The following PKD2 variants were observed in gnomAD, a reference collection of about 807,000 sequenced individuals.
The protein encoded by PKD2 is polycystin-2.
In PKD2, 48 loss-of-function variants were observed where a neutral mutation model predicts 105.9. The ratio of observed to expected loss-of-function variants is 0.45; its 90% CI spans 0.36 to 0.58. PKD2 has a LOEUF of 0.58. Among genes scored for constraint, PKD2 ranks in the 20% least tolerant of loss-of-function variants. The pLI is 0.00. For missense variants in PKD2, 1,078 were observed against 1,255.3 expected (o/e 0.86, Z 2.13); for synonymous variants, 464 against 481.1 (o/e 0.96, Z 0.46).
intron 1 of PKD2, among the ~76,000 whole-genome samples, chr4:88,010,090 G>T (rs1385501673): frequency 6.6e-6 from 1 of 151,364 alleles, no homozygotes; most frequent in East Asian, 1.9e-4. Context: ...CTCAGGAATC[G>T]GGAATTTTTT....
At position 88,008,429 on chromosome 4, in the gene PKD2, A is replaced by G. The variant is rs1726272094; in HGVS notation, c.595+101A>G. 4 of 1,395,378 alleles carry G rather than the reference A, an allele frequency of 2.9e-6. No individual in the cohort carries two copies. In the Admixed American group the frequency reaches 1.0e-4, roughly 36 times the overall value. 86.4% of individuals were successfully genotyped at this position (1,395,378 alleles called of 1,614,324 possible). On this transcript the variant is annotated intron_variant, in intron 1 of 14. Transcript: ENST00000237596. Reference sequence around the variant, plus strand: ...GGCAGCTCCCCGGGCTCCATCTCGCATCCCCTCTGCGTTCCGCCTCCCTTG... The same window carrying G: ...GGCAGCTCCCCGGGCTCCATCTCGCGTCCCCTCTGCGTTCCGCCTCCCTTG...
chr4:88,073,878 AC>A (rs1473939674), intron 13 of PKD2, among the ~76,000 whole-genome samples: 1 of 152,154 alleles, frequency 6.6e-6, no homozygotes, highest in African/African-American at 2.4e-5. Context: ...AGTCTACAGA[AC>A]CCTCTTGCCA....
chr4:88,010,402 G>T (rs945299324), intron 1 of PKD2, among the ~76,000 whole-genome samples: 3 of 152,196 alleles, frequency 2.0e-5, no homozygotes, highest in African/African-American at 7.2e-5. Context: ...CACTGTGCTA[G>T]CTGCTATGAA....
chr4:88,061,895 T>C lies in PKD2; in HGVS notation c.2020-11T>C, dbSNP rs1346337223. 2 of 1,360,224 alleles carry C rather than the reference T, an allele frequency of 1.5e-6. No homozygotes were observed. Among genetic ancestry groups the C allele is most frequent in the Admixed American group, 3.4e-5 (2 of 59,660 alleles). The allele number at this position is 1,360,224 out of a possible 1,614,324, so 84.3% of individuals were successfully genotyped here. A position where few individuals can be genotyped will look rare whatever the true frequency, so the allele number is the denominator to read the frequency against. ...TCCTTTAATTTTTGCCCTCCTTTCATTTACAAACAGAATATGTTTTTGGCT... is the reference window on the plus strand; with the variant it reads ...TCCTTTAATTTTTGCCCTCCTTTCACTTACAAACAGAATATGTTTTTGGCT... On this transcript the variant is annotated splice_polypyrimidine_tract_variant and intron_variant, in intron 9 of 14. Coordinates refer to ENST00000237596, the MANE Select transcript of PKD2 (RefSeq NM_000297.4).
chr4:88,048,136 A>C (rs182330574), intron 6 of PKD2, among the ~76,000 whole-genome samples: 1 of 152,244 alleles, frequency 6.6e-6, no homozygotes, highest in Non-Finnish European at 1.5e-5. Flanking sequence ...TTTGCTTGGC[A>C]TAGGTGTACC....
rs1721255059 is a variant in PKD2 at position 88,076,882 on chromosome 4, TA to T, written c.*1189del. 3 of 152,298 alleles carry T rather than the reference TA, an allele frequency of 2.0e-5. No individual in the cohort carries two copies. The highest frequency in any genetic ancestry group is 7.2e-5 in the African/African-American group (3 of 41,574). 9.4% of individuals were successfully genotyped at this position (152,298 alleles called of 1,614,324 possible). ...TATTCTTGATCCTGTGTTTCAAAACTAGAATTTGTAATGCAAATGGAGCTCA... is the reference window on the plus strand; with the variant it reads ...TATTCTTGATCCTGTGTTTCAAAACTGAATTTGTAATGCAAATGGAGCTCA... On this transcript the variant is annotated 3_prime_UTR_variant, in exon 15 of 15. Coordinates refer to ENST00000237596, the MANE Select transcript of PKD2 (RefSeq NM_000297.4).
At chr4:88,018,204 A>G (rs906599363) in intron 1 of PKD2, among the ~76,000 whole-genome samples, 7 of 152,222 alleles carry the variant, frequency 4.6e-5, no homozygotes, top group Non-Finnish European at 8.8e-5. Context: ...TGCGTAACAC[A>G]GTGTTTTTGA....
At chr4:88,043,521 G>A in intron 5 of PKD2, 64 bp downstream of exon 5, 2 of 1,237,542 alleles carry the variant, frequency 1.6e-6, no homozygotes, top group Non-Finnish European at 1.2e-6. Context: ...CTATTCTGGG[G>A]TTAGCCAGAA....
chr4:88,068,667 T>C (rs1218525948), intron 13 of PKD2, among the ~76,000 whole-genome samples: 1 of 152,252 alleles, frequency 6.6e-6, no homozygotes, highest in Non-Finnish European at 1.5e-5. Context: ...TGGCCTAACA[T>C]ATGGTTCGTC....
In PKD2 at chr4:88,060,252, A is replaced by G. The variant is rs1015643094; in HGVS notation, c.2020-1654A>G. Among the ~76,000 whole-genome samples, 7 of 152,276 alleles carry G rather than the reference A, an allele frequency of 4.6e-5. No individual in the cohort carries two copies. In the East Asian group the frequency reaches 7.7e-4, roughly 17 times the overall value. ...GGTAGAAGGTGTTACTTGGACTGCA[A>G]TTATCTGCACTTGGAATTGAGCATT... is the stretch of plus-strand genomic sequence containing the variant. On this transcript the variant is annotated intron_variant, in intron 9 of 14. Coordinates refer to ENST00000237596, the MANE Select transcript of PKD2 (RefSeq NM_000297.4).
In PKD2 at chr4:88,058,118, A is replaced by T; in HGVS notation, c.2019+15A>T. 2.1e-6 allele frequency: 3 copies of T among 1,433,018 alleles called. No homozygotes were observed. Among genetic ancestry groups the T allele is most frequent in the Non-Finnish European group, 3.0e-6 (3 of 1,016,086 alleles). The allele number at this position is 1,433,018 out of a possible 1,614,324, so 88.8% of individuals were successfully genotyped here. A position where few individuals can be genotyped will look rare whatever the true frequency, so the allele number is the denominator to read the frequency against. On this transcript the variant is annotated intron_variant, in intron 9 of 14. Transcript: ENST00000237596. ...TCATTCTTTTGGTATGTACATTTTT[A>T]TTTATAGTGAGGTTCAATTTAAACT...
At chr4:88,020,241 T>C (rs1726701637) in intron 2 of PKD2, among the ~76,000 whole-genome samples, 1 of 152,222 alleles carries the variant, frequency 6.6e-6, no homozygotes, top group Admixed American at 6.5e-5. Context: ...TTTCCAAATT[T>C]AACTTTCAGG....
At chr4:88,011,891 AAT>A (rs1430142882) in intron 1 of PKD2, among the ~76,000 whole-genome samples, 5 of 3,914 alleles carry the variant, frequency 1.3e-3, no homozygotes, top group Admixed American at 9.5e-3. Flanking sequence ...ACAGGTTTTC[AAT>A]GGGGGGGGGG....
At chr4:88,055,181 G>A (rs1225039605) in intron 7 of PKD2, among the ~76,000 whole-genome samples, 2 of 152,232 alleles carry the variant, frequency 1.3e-5, no homozygotes, top group African/African-American at 4.8e-5. Flanking sequence ...GCTGGCTGCA[G>A]GCCCCAGCTG....
chr4:88,029,512 C>T (rs1168973074), intron 2 of PKD2, among the ~76,000 whole-genome samples: 1 of 152,094 alleles, frequency 6.6e-6, no homozygotes, highest in Non-Finnish European at 1.5e-5. Flanking sequence ...CACCTGAACA[C>T]TTGGGTGTCA....
Position 88,062,688 on chromosome 4 carries a change from C to A in PKD2, c.2118+684C>A, listed in dbSNP as rs182475041. The stretch of plus-strand genomic sequence containing the variant: ...ACATTTAAAATACACAGTTTGTTTC[C>A]CAACATCATTTTGCTAAGTCATAGT... On this transcript the variant is annotated intron_variant, in intron 10 of 14. Coordinates refer to ENST00000237596, the MANE Select transcript of PKD2 (RefSeq NM_000297.4). Among the ~76,000 whole-genome samples, 190 of 152,136 alleles carry A rather than the reference C, an allele frequency of 1.2e-3. 1 individual carries two copies. The highest frequency in any genetic ancestry group is 4.3e-3 in the African/African-American group (177 of 41,498).
chr4:88,008,812 A>G (rs1726292102), intron 1 of PKD2, among the ~76,000 whole-genome samples: 1 of 152,182 alleles, frequency 6.6e-6, no homozygotes, highest in Non-Finnish European at 1.5e-5. Flanking sequence ...TACAGTGCAT[A>G]TAATGTCAAG....
chr4:88,009,321 GTTC>G (rs926767965), intron 1 of PKD2, among the ~76,000 whole-genome samples: 8 of 152,112 alleles, frequency 5.3e-5, no homozygotes, highest in Non-Finnish European at 1.0e-4. Context: ...AGTTTTTCTT[GTTC>G]TTCTCCTTCT....
chr4:88,026,903 C>T (rs1001701396), intron 2 of PKD2, among the ~76,000 whole-genome samples: 5 of 152,210 alleles, frequency 3.3e-5, no homozygotes, highest in Non-Finnish European at 5.9e-5. Context: ...TAGCAGCTTC[C>T]ATGTGGTGTT....
Sources: gnomAD v4.1 joint callset for allele counts (sites outside exome capture counted in the v4.1 genomes callset) on GRCh38, gnomAD v4.1.1 for gene constraint, MANE v1.5 for transcripts, NCBI Gene and HGNC (gene_info 2026-07-23, HGNC 2026-07-21) for gene names.